Variants in CNTNAP2 observed in about 807,000 individuals in gnomAD.
The protein encoded by CNTNAP2 is contactin associated protein 2, also known as contactin-associated protein-like 2.
In CNTNAP2, 98 loss-of-function variants were observed where a neutral mutation model predicts 155.2. The observed-to-expected ratio is 0.63, with a 90% CI of 0.54 to 0.75. CNTNAP2 has a LOEUF of 0.75. CNTNAP2 is among the 30% of genes least tolerant of loss of function. The pLI is 0.00. For synonymous variants in CNTNAP2, 651 were observed against 631.2 expected, an observed-to-expected ratio of 1.03 and a Z score of -0.47; for missense variants, 1,727 against 1,688.1, an observed-to-expected ratio of 1.02 and a Z score of -0.40.
chr7:146,218,305 G>C (rs1053495081), intron 1 of CNTNAP2, among the ~76,000 whole-genome samples: 2 of 152,030 alleles, frequency 1.3e-5, no homozygotes, highest in African/African-American at 4.8e-5. Flanking sequence ...GTCAGGAGAT[G>C]GAGACCATCC....
intron 1 of CNTNAP2, among the ~76,000 whole-genome samples, chr7:146,340,283 G>A (rs865858171): frequency 1.0e-3 from 138 of 137,516 alleles, no homozygotes; most frequent in African/African-American, 3.6e-3. Flanking sequence ...TGTTGTTGTT[G>A]TTGTTTTTTT....
At chr7:146,178,311 G>T (rs1417934148) in intron 1 of CNTNAP2, among the ~76,000 whole-genome samples, 1 of 152,146 alleles carries the variant, frequency 6.6e-6, no homozygotes, top group Non-Finnish European at 1.5e-5. Context: ...GGGATTACAG[G>T]CGTGAGCTAC....
chr7:148,118,078 G>C, intron 15 of CNTNAP2, 40 bp from the exon 16 acceptor site: 1 of 1,609,274 alleles, frequency 6.2e-7, no homozygotes, highest in East Asian at 2.2e-5. Flanking sequence ...AGGCTGATCA[G>C]GGTGTGAGTT....
intron 3 of CNTNAP2, among the ~76,000 whole-genome samples, chr7:147,027,266 C>T (rs1267632458): frequency 2.0e-5 from 3 of 152,268 alleles, no homozygotes; most frequent in Middle Eastern, 3.4e-3. Context: ...TAATGCCCAT[C>T]ACATTGCACA....
intron 13 of CNTNAP2, among the ~76,000 whole-genome samples, chr7:147,805,198 A>G (rs1275081947): frequency 6.6e-6 from 1 of 151,610 alleles, no homozygotes; most frequent in African/African-American, 2.4e-5. Context: ...CAGCCTTCTG[A>G]GTAGCTGGGA....
rs141337576 is a variant in CNTNAP2, at chr7:146,507,520, C to T, written c.98-266751C>T. ...TTTGTTTTCTGAGCCAAATGGAGCA[C>T]AAATGCTTTCCAATATCCCAAGAGG... is the stretch of plus-strand genomic sequence containing the variant. On this transcript the variant is annotated intron_variant, in intron 1 of 23. Transcript: ENST00000361727. Among the ~76,000 whole-genome samples, 1,182 of 152,268 alleles carry T rather than the reference C, an allele frequency of 7.8e-3. 15 individuals are homozygous for T. The highest frequency in any genetic ancestry group is 0.026 in the African/African-American group (1,090 of 41,552).
intron 13 of CNTNAP2, among the ~76,000 whole-genome samples, chr7:147,776,681 T>A (rs901312479): frequency 2.6e-5 from 4 of 152,092 alleles, no homozygotes; most frequent in Non-Finnish European, 4.4e-5. Context: ...AAAGAGATAA[T>A]AAGATACTAA....
intron 11 of CNTNAP2, among the ~76,000 whole-genome samples, chr7:147,501,125 T>TAAG (rs755170620): frequency 6.6e-6 from 1 of 151,926 alleles, no homozygotes; most frequent in Non-Finnish European, 1.5e-5. Context: ...AAATGAAGGA[T>TAAG]AAGAATCATA....
intron 15 of CNTNAP2, among the ~76,000 whole-genome samples, chr7:148,068,029 G>C (rs1050928481): frequency 3.1e-4 from 47 of 152,166 alleles, no homozygotes; most frequent in African/African-American, 9.9e-4. Context: ...TTATATCCAG[G>C]TGCCGGTGAG....
At chr7:147,066,893 G>A (rs945967345) in intron 4 of CNTNAP2, among the ~76,000 whole-genome samples, 5 of 152,170 alleles carry the variant, frequency 3.3e-5, no homozygotes, top group African/African-American at 1.2e-4. Context: ...CAGGGTGCTA[G>A]CATCATCGAG....
chr7:147,270,305 G>T (rs892560647), intron 8 of CNTNAP2, among the ~76,000 whole-genome samples: 3 of 147,864 alleles, frequency 2.0e-5, no homozygotes, highest in Non-Finnish European at 4.4e-5. Context: ...GTATGTATTT[G>T]TATGTACATA....
At chr7:146,563,616 C>T (rs572811908) in intron 1 of CNTNAP2, among the ~76,000 whole-genome samples, 1 of 152,184 alleles carries the variant, frequency 6.6e-6, no homozygotes, top group Admixed American at 6.5e-5. Flanking sequence ...TATAGTACAG[C>T]CAGAGACCTG....
chr7:147,451,556 GC>G (rs1563208926), intron 10 of CNTNAP2, among the ~76,000 whole-genome samples: 3 of 151,894 alleles, frequency 2.0e-5, no homozygotes, highest in African/African-American at 7.3e-5. Context: ...TACAACTAGG[GC>G]CCAGAGAAAA....
At chr7:147,767,150 A>T (rs561618342) in intron 13 of CNTNAP2, among the ~76,000 whole-genome samples, 10 of 152,098 alleles carry the variant, frequency 6.6e-5, no homozygotes, top group Non-Finnish European at 1.3e-4. Context: ...TCTCCATATA[A>T]ATAAGGGATA....
At chr7:147,416,666 G>C in intron 10 of CNTNAP2, among the ~76,000 whole-genome samples, 1 of 152,198 alleles carries the variant, frequency 6.6e-6, no homozygotes, top group East Asian at 1.9e-4. Context: ...TGGTTCGGCT[G>C]CTAGGTCAAG....
intron 11 of CNTNAP2, among the ~76,000 whole-genome samples, chr7:147,499,871 G>C (rs1394028063): frequency 6.6e-6 from 1 of 152,136 alleles, no homozygotes; most frequent in Non-Finnish European, 1.5e-5. Flanking sequence ...CTAGCTCTGT[G>C]CTTTCTACAG....
At chr7:148,301,409 C>A (rs1475765986) in intron 21 of CNTNAP2, among the ~76,000 whole-genome samples, 1 of 149,326 alleles carries the variant, frequency 6.7e-6, no homozygotes, top group African/African-American at 2.5e-5. Context: ...TCCTCTGTGC[C>A]TCAGTGACAT....
intron 21 of CNTNAP2, among the ~76,000 whole-genome samples, chr7:148,276,222 A>C (rs2116853150): frequency 6.6e-6 from 1 of 152,248 alleles, no homozygotes. Flanking sequence ...CCCAGGAGAA[A>C]CCCTGCAGAA....
intron 1 of CNTNAP2, among the ~76,000 whole-genome samples, chr7:146,436,300 A>G (rs1307817866): frequency 5.9e-5 from 9 of 152,180 alleles, no homozygotes; most frequent in Non-Finnish European, 7.4e-5. Context: ...ATCAGTGTCT[A>G]CAAAAGAGGT....
Sources: gnomAD v4.1 joint callset for allele counts (sites outside exome capture counted in the v4.1 genomes callset) on GRCh38, gnomAD v4.1.1 for gene constraint, MANE v1.5 for transcripts, NCBI Gene and HGNC (gene_info 2026-07-23, HGNC 2026-07-21) for gene names.